The following LRP5 variants were observed in gnomAD, a reference collection of about 807,000 sequenced individuals.
LRP5 encodes the protein LDL receptor related protein 5.
LRP5 carries 62 observed loss-of-function variants against 154.1 expected under a neutral mutation model. The ratio of observed to expected loss-of-function variants is 0.40; its 90% confidence interval spans 0.33 to 0.50. The LOEUF is 0.50. Among genes scored for constraint, LRP5 ranks in the 20% least tolerant of loss-of-function variants. The pLI, the probability that LRP5 is intolerant of heterozygous loss-of-function variation, is 0.55. For missense variants in LRP5, 1,915 were observed against 2,336.7 expected, an observed-to-expected ratio of 0.82 and a Z score of 3.72; for synonymous variants, 966 against 1,011.5, an observed-to-expected ratio of 0.96 and a Z score of 0.85.
In LRP5 at chr11:68,416,529, C is replaced by T. The variant is rs1272710166; in HGVS notation, c.3027+2C>T. 1.2e-6 allele frequency: 2 copies of T among 1,614,022 alleles called. No individual in the cohort carries two copies. The highest frequency in any genetic ancestry group is 2.2e-5 in the East Asian group (1 of 44,882). The stretch of plus-strand genomic sequence containing the variant: ...CGAGCCAAGGACGACGGGACCCAGG[C>T]AGGTGCCCTGTGGGAAGGGTGCGGG... On this transcript the variant is annotated splice_donor_variant, in intron 13 of 22. Coordinates refer to ENST00000294304, the MANE Select transcript of LRP5 (RefSeq NM_002335.4). LOFTEE classifies it low-confidence loss of function (GC_TO_GT_DONOR).
chr11:68,372,144 A>G (rs1357804626), intron 5 of LRP5, among the ~76,000 whole-genome samples: 3 of 152,088 alleles, frequency 2.0e-5, no homozygotes, highest in Admixed American at 6.6e-5. Flanking sequence ...GATGGAAGAC[A>G]TGGCTTGGTT....
In LRP5 at chr11:68,414,092, C is replaced by G. The variant is rs191909190; in HGVS notation, c.2827+80C>G. On this transcript the variant is annotated intron_variant, in intron 12 of 22. Transcript: ENST00000294304. ...TGGGAGCTGACGCTGAAAGGAGCTTCTCATCTGGGGTTCCTGGGTGTACAT... is the reference window on the plus strand; with the variant it reads ...TGGGAGCTGACGCTGAAAGGAGCTTGTCATCTGGGGTTCCTGGGTGTACAT... 1,630 of 1,356,266 alleles carry G rather than the reference C, an allele frequency of 1.2e-3. 8 individuals are homozygous for G. Among genetic ancestry groups the G allele is most frequent in the Non-Finnish European group, 1.2e-3 (1,199 of 977,820 alleles). The allele number at this position is 1,356,266 out of a possible 1,614,324, so 84.0% of individuals were successfully genotyped here.
the LRP5 span, among the ~76,000 whole-genome samples, chr11:68,304,740 G>T: frequency 6.6e-6 from 1 of 152,268 alleles, no homozygotes; most frequent in Admixed American, 6.5e-5. Context: ...GTTTAAGGAG[G>T]TTATTTTGGA....
At chr11:68,436,826 G>C in intron 18 of LRP5, 63 bp from the exon 19 acceptor site, 1 of 1,209,058 alleles carries the variant, frequency 8.3e-7, no homozygotes, top group Non-Finnish European at 1.2e-6. Flanking sequence ...TGGTTGCTGT[G>C]CCCTGCATGG....
chr11:68,327,922 C>T (rs566051307), intron 1 of LRP5, among the ~76,000 whole-genome samples: 1 of 152,222 alleles, frequency 6.6e-6, no homozygotes, highest in Non-Finnish European at 1.5e-5. Context: ...CCAAATTCTT[C>T]TTAACTTCCA....
chr11:68,433,449 G>A (rs946931428), intron 17 of LRP5, among the ~76,000 whole-genome samples, 153 bp from the exon 18 acceptor site: 2 of 152,202 alleles, frequency 1.3e-5, no homozygotes, highest in African/African-American at 2.4e-5. Context: ...GAGCCGCAGC[G>A]ATGGAGGATG....
At position 68,388,887 on chromosome 11, in the gene LRP5, G is replaced by C. The variant is rs141929275; in HGVS notation, c.1413-994G>C. Reference sequence around the variant, plus strand: ...ACTCTGGTCACTGGGCTTGCCGCTGGCATGCTCAGTCCTCCAGCACTTACT... The same window carrying C: ...ACTCTGGTCACTGGGCTTGCCGCTGCCATGCTCAGTCCTCCAGCACTTACT... On this transcript the variant is annotated intron_variant, in intron 6 of 22. Coordinates refer to ENST00000294304, the MANE Select transcript of LRP5 (RefSeq NM_002335.4). Among the ~76,000 whole-genome samples, 1,073 of 152,278 alleles carry C rather than the reference G, an allele frequency of 7.0e-3. 8 individuals are homozygous for C. The highest frequency in any genetic ancestry group is 0.011 in the Non-Finnish European group (746 of 68,008).
chr11:68,403,624 G>C lies in LRP5; in HGVS notation c.1726G>C (p.Ala576Pro). 2 of 1,614,214 alleles carry C rather than the reference G, an allele frequency of 1.2e-6. No individual in the cohort carries two copies. ...CATCGAGCGGGTGCACAAGGTCAAG[G>C]CCAGCCGGGACGTCATCATTGACCA... ...RSIERVHKVK[A>P]SRDVIIDQLP... The change falls in exon 8 of 23, where the codon GCC becomes CCC. Residue 576 changes from alanine (A) to proline (P), a missense_variant. By Grantham distance (27) the Ala-to-Pro change is conservative (BLOSUM62 -1). Coordinates refer to ENST00000294304, the MANE Select transcript of LRP5 (RefSeq NM_002335.4).
Position 68,423,720 on chromosome 11 carries a change from G to A in LRP5, c.3236+23G>A. 8 of 1,595,096 alleles carry A rather than the reference G, an allele frequency of 5.0e-6. No individual in the cohort carries two copies. The highest frequency in any genetic ancestry group is 2.7e-5 in the African/African-American group (2 of 73,474). ...AGGGTAGGAGGCCAACGGGTGGGTGGGGGTGCTGCCCGTCCAGGCGTGCCC... is the reference window on the plus strand; with the variant it reads ...AGGGTAGGAGGCCAACGGGTGGGTGAGGGTGCTGCCCGTCCAGGCGTGCCC... On this transcript the variant is annotated intron_variant, in intron 14 of 22. Transcript: ENST00000294304. The surrounding 1 kb of genome is among the most constrained non-coding windows in gnomAD (Gnocchi z 4.7).
intron 18 of LRP5, 88 bp from the exon 19 acceptor site, chr11:68,436,801 T>C: frequency 1.1e-6 from 1 of 910,624 alleles, no homozygotes; most frequent in Non-Finnish European, 1.8e-6. Flanking sequence ...TGCTCTCTGT[T>C]TGGAGTCCAG....
At chr11:68,431,067 C>T (rs926060596) in intron 17 of LRP5, among the ~76,000 whole-genome samples, 4 of 152,172 alleles carry the variant, frequency 2.6e-5, no homozygotes, top group African/African-American at 9.7e-5. Context: ...TCTGTATCCT[C>T]ACCACAGTGA....
chr11:68,382,836 T>G (rs1157167927), intron 5 of LRP5, among the ~76,000 whole-genome samples: 1 of 151,922 alleles, frequency 6.6e-6, no homozygotes, highest in Non-Finnish European at 1.5e-5. Context: ...TCCTCATAGC[T>G]CAAGGGGTGG....
At chr11:68,415,618 G>A (rs1449388825) in intron 12 of LRP5, among the ~76,000 whole-genome samples, 2 of 128,902 alleles carry the variant, frequency 1.6e-5, no homozygotes, top group African/African-American at 5.3e-5. Flanking sequence ...GGTGGGGCAT[G>A]CCTATAATCC....
At chr11:68,439,710 CTA>C (rs1490059085) in intron 20 of LRP5, 65 bp from the exon 21 acceptor site, 49 of 1,550,240 alleles carry the variant, frequency 3.2e-5, no homozygotes, top group Non-Finnish European at 4.2e-5. Flanking sequence ...GGAGAGCGCC[CTA>C]TGTCTGTGGG....
intron 1 of LRP5, among the ~76,000 whole-genome samples, chr11:68,328,115 T>C (rs1470190136): frequency 6.6e-6 from 1 of 152,310 alleles, no homozygotes; most frequent in East Asian, 1.9e-4. Context: ...ACCGTGGCAT[T>C]CCCCAAATCT....
chr11:68,405,507 T>C (rs1363757828), intron 8 of LRP5, among the ~76,000 whole-genome samples: 2 of 146,706 alleles, frequency 1.4e-5, no homozygotes, highest in Non-Finnish European at 3.0e-5. Context: ...CTATCCACCA[T>C]GGAAGGTGAG....
At chr11:68,424,253 G>A (rs1473523817) in intron 14 of LRP5, among the ~76,000 whole-genome samples, 3 of 152,008 alleles carry the variant, frequency 2.0e-5, no homozygotes, top group Non-Finnish European at 2.9e-5. Context: ...GAGCGCGATG[G>A]CCTTCCTCAG....
At chr11:68,400,154 C>T (rs558129378) in intron 7 of LRP5, among the ~76,000 whole-genome samples, 4 of 152,246 alleles carry the variant, frequency 2.6e-5, no homozygotes, top group African/African-American at 7.2e-5. Flanking sequence ...CAGCCCCAGC[C>T]GGGTGGAACA....
intron 11 of LRP5, among the ~76,000 whole-genome samples, chr11:68,412,408 A>G (rs965790149): frequency 6.6e-6 from 1 of 152,142 alleles, no homozygotes; most frequent in Non-Finnish European, 1.5e-5. Context: ...TGTGAGGCCA[A>G]GGCGGGCAGA....
Sources: gnomAD v4.1 joint callset for allele counts (sites outside exome capture counted in the v4.1 genomes callset) on GRCh38, gnomAD v4.1.1 for gene constraint, Gnocchi (gnomAD v3.1) non-coding constraint, MANE v1.5 for transcripts, NCBI Gene and HGNC (gene_info 2026-07-23, HGNC 2026-07-21) for gene names.